Variants in CRPPA observed in about 807,000 individuals in gnomAD.
CRPPA encodes the protein CDP-L-ribitol pyrophosphorylase A, also known as D-ribitol-5-phosphate cytidylyltransferase.
CRPPA carries 43 observed loss-of-function variants against 52.0 expected under a neutral mutation model. The observed-to-expected ratio is 0.83, with a 90% CI of 0.65 to 1.07. The LOEUF is 1.07. Ranked by LOEUF, CRPPA falls within the 50% of genes least tolerant of loss-of-function variation. CRPPA has a pLI of 0.00. For synonymous variants in CRPPA, 250 were observed against 203.5 expected, an observed-to-expected ratio of 1.23 and a Z score of -1.94; for missense variants, 629 against 551.7, an observed-to-expected ratio of 1.14 and a Z score of -1.40.
chr7:16,178,055 A>G (rs1400417950), intron 9 of CRPPA, among the ~76,000 whole-genome samples: 3 of 122,394 alleles, frequency 2.5e-5, no homozygotes, highest in Non-Finnish European at 5.3e-5. Flanking sequence ...GTTGTCTAAA[A>G]GAAGGCAAAA....
intron 3 of CRPPA, among the ~76,000 whole-genome samples, chr7:16,316,390 T>C (rs888264628): frequency 6.6e-6 from 1 of 152,164 alleles, no homozygotes; most frequent in Non-Finnish European, 1.5e-5. Flanking sequence ...AAAAGTTATA[T>C]TGTCATGTTA....
chr7:16,182,093 C>T (rs905116220), intron 9 of CRPPA, among the ~76,000 whole-genome samples: 65 of 151,950 alleles, frequency 4.3e-4, no homozygotes, highest in African/African-American at 1.2e-3. Context: ...ATATGTAATA[C>T]GTAGTCTGCA....
intron 8 of CRPPA, among the ~76,000 whole-genome samples, chr7:16,252,566 CT>C (rs1019242363): frequency 6.6e-6 from 1 of 152,060 alleles, no homozygotes; most frequent in Non-Finnish European, 1.5e-5. Flanking sequence ...CTAAATTTCT[CT>C]TTTTTTGTTG....
At chr7:16,399,934 C>T (rs1414022088) in intron 2 of CRPPA, among the ~76,000 whole-genome samples, 1 of 151,518 alleles carries the variant, frequency 6.6e-6, no homozygotes, top group African/African-American at 2.4e-5. Context: ...TGTTATGTGA[C>T]CATATGTGAC....
intron 5 of CRPPA, among the ~76,000 whole-genome samples, chr7:16,287,836 C>T (rs1269650844): frequency 1.4e-5 from 2 of 147,704 alleles, no homozygotes; most frequent in African/African-American, 5.0e-5. Context: ...GCATGAGAAT[C>T]ACTTGAACCT....
At position 16,216,102 on chromosome 7, in the gene CRPPA, ATTTC is replaced by A. The variant is rs1387147865; in HGVS notation, c.1211_1214del (p.Arg404IlefsTer22). On this transcript the variant is annotated frameshift_variant, in exon 9 of 10. Coordinates refer to ENST00000407010, the MANE Select transcript of CRPPA (RefSeq NM_001101426.4). LOFTEE classifies it high-confidence loss of function. Reference sequence around the variant, plus strand: ...ATATGAGAAGCCCATATAACAAAATATTTCTTTCTTTTACTTCCTTTGCAAATTC... The same window carrying A: ...ATATGAGAAGCCCATATAACAAAATATTTCTTTTACTTCCTTTGCAAATTC... 8 of 1,601,990 alleles carry A rather than the reference ATTTC, an allele frequency of 5.0e-6. No individual in the cohort carries two copies. The highest frequency in any genetic ancestry group is 6.8e-6 in the Non-Finnish European group (8 of 1,172,758).
chr7:16,249,282 G>C (rs1449090651), intron 8 of CRPPA, among the ~76,000 whole-genome samples: 1 of 152,206 alleles, frequency 6.6e-6, no homozygotes, highest in South Asian at 2.1e-4. Context: ...CCTGGGGGAA[G>C]GGGCAGCTGT....
At chr7:16,153,072 C>A (rs1346164628) in intron 9 of CRPPA, among the ~76,000 whole-genome samples, 1 of 151,906 alleles carries the variant, frequency 6.6e-6, no homozygotes, top group Non-Finnish European at 1.5e-5. Flanking sequence ...ACTTTTAGGG[C>A]AAAGAACCAT....
At chr7:16,353,393 A>T (rs1281605836) in intron 3 of CRPPA, among the ~76,000 whole-genome samples, 1 of 151,972 alleles carries the variant, frequency 6.6e-6, no homozygotes, top group East Asian at 1.9e-4. Context: ...AAATTCATGG[A>T]AGCAGAGAAA....
At chr7:16,149,928 G>A (rs1030378076) in intron 9 of CRPPA, among the ~76,000 whole-genome samples, 4 of 151,536 alleles carry the variant, frequency 2.6e-5, no homozygotes, top group Admixed American at 6.6e-5. Context: ...GGAAGTTGCA[G>A]TGAGCCGAGA....
Position 16,087,930 on chromosome 7 carries a change from T to C in CRPPA, c.*3765A>G. 1 of 152,222 alleles carries C rather than the reference T, an allele frequency of 6.6e-6. No homozygotes were observed. Among genetic ancestry groups the C allele is most frequent in the East Asian group, 1.9e-4 (1 of 5,200 alleles). 9.4% of individuals were successfully genotyped at this position (152,222 alleles called of 1,614,324 possible). On this transcript the variant is annotated 3_prime_UTR_variant, in exon 10 of 10. Coordinates refer to ENST00000407010, the MANE Select transcript of CRPPA (RefSeq NM_001101426.4). ...TTAAGACATTCTGTAATTTGATTTT[T>C]ATAAGATGATCACTGTATTTACATA...
At chr7:16,386,150 G>T (rs1055165774) in intron 2 of CRPPA, among the ~76,000 whole-genome samples, 5 of 146,950 alleles carry the variant, frequency 3.4e-5, no homozygotes, top group African/African-American at 5.2e-5. Flanking sequence ...AGGATGGATG[G>T]GGAGCTAAAA....
chr7:16,092,595 A>G (rs1373071116), intron 9 of CRPPA, among the ~76,000 whole-genome samples: 16 of 152,316 alleles, frequency 1.1e-4, no homozygotes, highest in African/African-American at 3.8e-4. Context: ...CACTGCCAGC[A>G]TAGCACCTTC....
At chr7:16,334,230 G>A (rs1194640298) in intron 3 of CRPPA, among the ~76,000 whole-genome samples, 12 of 152,126 alleles carry the variant, frequency 7.9e-5, no homozygotes, top group South Asian at 2.1e-4. Flanking sequence ...AGGTGTCCTC[G>A]TTCAGGTCAA....
chr7:16,385,720 G>T (rs977876912), intron 2 of CRPPA, among the ~76,000 whole-genome samples: 5 of 152,134 alleles, frequency 3.3e-5, no homozygotes, highest in Non-Finnish European at 7.4e-5. Context: ...CAATATAAAT[G>T]TATGTTTCTC....
chr7:16,246,181 C>G (rs1000778641), intron 8 of CRPPA, among the ~76,000 whole-genome samples: 1 of 152,258 alleles, frequency 6.6e-6, no homozygotes, highest in East Asian at 1.9e-4. Context: ...TATTGTAAAT[C>G]CTTTATTGTC....
chr7:16,128,545 C>T (rs979825728), intron 9 of CRPPA, among the ~76,000 whole-genome samples: 2 of 152,044 alleles, frequency 1.3e-5, no homozygotes, highest in African/African-American at 4.8e-5. Flanking sequence ...GAAGGATAAA[C>T]CAGAAGATAG....
intron 5 of CRPPA, among the ~76,000 whole-genome samples, chr7:16,292,779 TC>T (rs1784589807): frequency 6.6e-6 from 1 of 151,934 alleles, no homozygotes; most frequent in African/African-American, 2.4e-5. Context: ...CTAAAATCTC[TC>T]ATAAGCAAAA....
intron 9 of CRPPA, among the ~76,000 whole-genome samples, chr7:16,176,424 T>G (rs1274683914): frequency 1.3e-5 from 2 of 152,130 alleles, no homozygotes; most frequent in African/African-American, 4.8e-5. Flanking sequence ...AAAGAGATGT[T>G]CAATCTCGTT....
Sources: allele counts gnomAD v4.1 joint callset (sites outside exome capture counted in the v4.1 genomes callset), GRCh38; gene constraint gnomAD v4.1.1; transcripts MANE v1.5; gene names NCBI Gene and HGNC (gene_info 2026-07-23, HGNC 2026-07-21).